TMTC1: variants seen among roughly 807,000 people sequenced by gnomAD.
TMTC1 encodes transmembrane O-mannosyltransferase targeting cadherins 1.
TMTC1 carries 73 observed loss-of-function variants against 104.8 expected under a neutral mutation model. The ratio of observed to expected loss-of-function variants is 0.70; its 90% CI spans 0.58 to 0.85. The LOEUF is 0.85. TMTC1 is among the 40% of genes least tolerant of loss of function. The pLI is 0.00. For synonymous variants in TMTC1, 434 were observed against 428.7 expected, an observed-to-expected ratio of 1.01 and a Z score of -0.15; for missense variants, 1,035 against 1,096.1, an observed-to-expected ratio of 0.94 and a Z score of 0.79.
chr12:29,643,705 T>TA (rs1283252651), intron 5 of TMTC1, among the ~76,000 whole-genome samples: 1 of 33,398 alleles, frequency 3.0e-5, no homozygotes, highest in Non-Finnish European at 4.9e-5. Context: ...ATATATTATA[T>TA]ATTATATATA....
At chr12:29,519,311 A>G (rs1462612527) in intron 12 of TMTC1, 2 of 152,212 alleles carry the variant, frequency 1.3e-5, no homozygotes, top group Non-Finnish European at 2.9e-5. Flanking sequence ...TATTTAAAAA[A>G]CCACACACAA....
At position 29,520,651 on chromosome 12, in the gene TMTC1, G is replaced by T. The variant is rs753877260; in HGVS notation, c.1855C>A (p.His619Asn). ...ACTAAGAAAACCCCATAGTTGTTGT[G>T]TAAATCTGAGCTGTCTGGACAGTTC... Reference protein sequence around the residue: ...IKNCPDSSDLHNNYGVFLVDT... With the variant: ...IKNCPDSSDLNNNYGVFLVDT... Residue 619 changes from histidine (H) to asparagine (N), a missense_variant, in exon 12 of 18, where the codon CAC becomes AAC. Physicochemically the swap from His to Asn is moderately conservative, Grantham distance 68. Transcript: ENST00000539277. The T allele has an allele frequency of 3.1e-6, 5 of 1,613,490 alleles. No homozygotes were observed. In the East Asian group the frequency reaches 1.1e-4, roughly 36 times the overall value.
chr12:29,575,030 C>T (rs981548437), intron 8 of TMTC1, among the ~76,000 whole-genome samples: 9 of 151,888 alleles, frequency 5.9e-5, no homozygotes, highest in African/African-American at 1.9e-4. Context: ...GAAGATGATA[C>T]GAGGAGGGGT....
chr12:29,545,676 C>CACACACACACA (rs1555167547), intron 10 of TMTC1, among the ~76,000 whole-genome samples: 8 of 137,838 alleles, frequency 5.8e-5, no homozygotes, highest in African/African-American at 1.7e-4. Flanking sequence ...CACACACACA[C>CACACACACACA]GGATAGAAAC....
Position 29,619,940 on chromosome 12 carries a change from A to T in TMTC1, c.1128+13207T>A, listed in dbSNP as rs537219766. 2.6e-5 allele frequency among the ~76,000 whole-genome samples: 4 copies of T among 152,344 alleles called. No homozygotes were observed. The East Asian group carries it at 7.7e-4, about 29-fold the overall frequency. On this transcript the variant is annotated intron_variant, in intron 6 of 17. Coordinates refer to ENST00000539277, the MANE Select transcript of TMTC1 (RefSeq NM_001193451.2). ...AGCTCCCTGTCACTCAAGGTAAAGG[A>T]TGAAGGGAGGTGGGGAGGAGAGCAT...
chr12:29,537,592 G>A (rs1944680020), intron 10 of TMTC1, among the ~76,000 whole-genome samples: 1 of 152,162 alleles, frequency 6.6e-6, no homozygotes, highest in South Asian at 2.1e-4. Context: ...GAGCCTGTGA[G>A]AAATGCACAA....
chr12:29,666,876 T>C (rs747516277), intron 5 of TMTC1, among the ~76,000 whole-genome samples: 4 of 152,172 alleles, frequency 2.6e-5, no homozygotes, highest in Admixed American at 2.0e-4. Context: ...AGAACATCAA[T>C]CTTAATTGAC....
At chr12:29,551,599 C>T (rs1357081934) in intron 10 of TMTC1, among the ~76,000 whole-genome samples, 1 of 152,090 alleles carries the variant, frequency 6.6e-6, no homozygotes, top group Non-Finnish European at 1.5e-5. Flanking sequence ...TGACATGGTT[C>T]TTCAAGAAGT....
At chr12:29,585,270 C>T (rs1269099754) in intron 7 of TMTC1, among the ~76,000 whole-genome samples, 1 of 152,158 alleles carries the variant, frequency 6.6e-6, no homozygotes, top group East Asian at 1.9e-4. Flanking sequence ...ATCCTTTGCC[C>T]ACTTTTTGAT....
chr12:29,611,991 G>T (rs777994352), intron 6 of TMTC1, among the ~76,000 whole-genome samples: 3 of 152,144 alleles, frequency 2.0e-5, no homozygotes, highest in Non-Finnish European at 2.9e-5. Flanking sequence ...GAAATTGAGG[G>T]CCAGAGAGCA....
At chr12:29,756,180 G>C (rs1190151735) in intron 3 of TMTC1, among the ~76,000 whole-genome samples, 4 of 152,220 alleles carry the variant, frequency 2.6e-5, no homozygotes, top group Non-Finnish European at 5.9e-5. Flanking sequence ...TACATTCTAA[G>C]TGAATAATCG....
At chr12:29,602,685 T>C (rs1172810892) in intron 7 of TMTC1, among the ~76,000 whole-genome samples, 2 of 152,124 alleles carry the variant, frequency 1.3e-5, no homozygotes, top group Non-Finnish European at 2.9e-5. Flanking sequence ...AAAATTTTGA[T>C]GCAATTAATG....
chr12:29,616,594 G>C (rs1946984815), intron 6 of TMTC1, among the ~76,000 whole-genome samples: 1 of 151,458 alleles, frequency 6.6e-6, no homozygotes, highest in Admixed American at 6.6e-5. Flanking sequence ...CTTGAATCCG[G>C]GAGGCGGAGG....
intron 5 of TMTC1, among the ~76,000 whole-genome samples, chr12:29,746,358 C>T (rs1942955612): frequency 6.6e-6 from 1 of 152,130 alleles, no homozygotes; most frequent in South Asian, 2.1e-4. Context: ...TATTATTCAT[C>T]AATAATACAG....
intron 5 of TMTC1, among the ~76,000 whole-genome samples, chr12:29,739,910 C>T (rs750971038): frequency 6.6e-6 from 1 of 151,946 alleles, no homozygotes; most frequent in African/African-American, 2.4e-5. Flanking sequence ...AGTTTCACCA[C>T]GTTGGCCAAG....
chr12:29,555,248 G>A (rs1013521366), intron 10 of TMTC1, among the ~76,000 whole-genome samples: 5 of 141,016 alleles, frequency 3.5e-5, no homozygotes, highest in Non-Finnish European at 6.0e-5. Flanking sequence ...AGTGATTCTT[G>A]TGCCTCAGCC....
At chr12:29,612,219 A>G (rs1946863612) in intron 6 of TMTC1, among the ~76,000 whole-genome samples, 1 of 152,150 alleles carries the variant, frequency 6.6e-6, no homozygotes, top group Admixed American at 6.6e-5. Context: ...AGGTGGCCAA[A>G]TGAGACACTG....
At chr12:29,713,300 TACACACACACACACACACACACAC>T (rs10574727) in intron 5 of TMTC1, among the ~76,000 whole-genome samples, 1 of 134,410 alleles carries the variant, frequency 7.4e-6, no homozygotes, top group Admixed American at 7.5e-5. Flanking sequence ...CATAAACACA[TACACACACACACACACACACACAC>T]ACACACACAC....
intron 5 of TMTC1, among the ~76,000 whole-genome samples, chr12:29,688,446 C>T (rs1941164831): frequency 6.6e-6 from 1 of 152,140 alleles, no homozygotes; most frequent in Admixed American, 6.5e-5. Context: ...CATCTGTTCC[C>T]CATTAGAGAA....
Sources: gnomAD v4.1 joint callset for allele counts (sites outside exome capture counted in the v4.1 genomes callset) on GRCh38, gnomAD v4.1.1 for gene constraint, MANE v1.5 for transcripts, NCBI Gene and HGNC (gene_info 2026-07-23, HGNC 2026-07-21) for gene names.